Variants in P3H2 observed in about 807,000 individuals in gnomAD.
P3H2 encodes prolyl 3-hydroxylase 2.
Under a neutral mutation model 87.0 loss-of-function variants are expected in P3H2, and 80 were observed. The ratio of observed to expected loss-of-function variants is 0.92; its 90% CI spans 0.77 to 1.11. The LOEUF (loss-of-function observed/expected upper bound fraction) is 1.11. Among genes scored for constraint, P3H2 ranks in the 50% least tolerant of loss-of-function variants. The pLI, the probability that P3H2 is intolerant of heterozygous loss-of-function variation, is 0.00. For missense variants in P3H2, 1,001 were observed against 923.9 expected, an observed-to-expected ratio of 1.08 and a Z score of -1.08; for synonymous variants, 367 against 359.3, an observed-to-expected ratio of 1.02 and a Z score of -0.24.
At chr3:190,008,658 A>G (rs1404006070) in intron 1 of P3H2, among the ~76,000 whole-genome samples, 2 of 152,206 alleles carry the variant, frequency 1.3e-5, no homozygotes, top group Admixed American at 1.3e-4. Flanking sequence ...AAAGACTGCC[A>G]CTATGCACTT....
At chr3:189,979,981 T>C (rs1486740295) in intron 8 of P3H2, among the ~76,000 whole-genome samples, 1 of 147,574 alleles carries the variant, frequency 6.8e-6, no homozygotes, top group Non-Finnish European at 1.5e-5. Context: ...AAAATAAAAA[T>C]AAAAAAAAAA....
At position 190,023,579 on chromosome 3, in the gene P3H2, C is replaced by T. The variant is rs1019596750; in HGVS notation, c.481-28137G>A. 3.9e-5 allele frequency among the ~76,000 whole-genome samples: 6 copies of T among 152,256 alleles called. No individual in the cohort carries two copies. In the South Asian group the frequency reaches 6.2e-4, roughly 16 times the overall value. On this transcript the variant is annotated intron_variant, in intron 1 of 14. Coordinates refer to ENST00000319332, the MANE Select transcript of P3H2 (RefSeq NM_018192.4). Reference sequence around the variant, plus strand: ...CAGGAGAACAGCATGGGGAAAACTGCCCCCATGACTCAATTACCTCCACCT... The same window carrying T: ...CAGGAGAACAGCATGGGGAAAACTGTCCCCATGACTCAATTACCTCCACCT...
At chr3:190,078,456 A>C (rs1726938997) in intron 1 of P3H2, among the ~76,000 whole-genome samples, 1 of 152,186 alleles carries the variant, frequency 6.6e-6, no homozygotes, top group South Asian at 2.1e-4. Flanking sequence ...GATTTCAATA[A>C]ATGAAATCTG....
At chr3:190,121,332 G>A (rs1368798608), upstream of P3H2, among the ~76,000 whole-genome samples, 4 of 144,464 alleles carry the variant, frequency 2.8e-5, no homozygotes, top group African/African-American at 1.0e-4. Flanking sequence ...ATCCCGGAAC[G>A]TAAAGTTAAA....
At chr3:190,079,761 T>A (rs1302026922) in intron 1 of P3H2, among the ~76,000 whole-genome samples, 1 of 152,198 alleles carries the variant, frequency 6.6e-6, no homozygotes, top group Admixed American at 6.5e-5. Flanking sequence ...AGCTGTATAT[T>A]ACAGTGGTGA....
intron 1 of P3H2, among the ~76,000 whole-genome samples, chr3:190,062,485 A>T (rs1726360884): frequency 6.6e-6 from 1 of 152,184 alleles, no homozygotes; most frequent in African/African-American, 2.4e-5. Context: ...TCTAATAACT[A>T]AAACTGTGGC....
intron 1 of P3H2, among the ~76,000 whole-genome samples, chr3:190,027,714 T>G (rs916043913): frequency 6.6e-6 from 1 of 151,870 alleles, no homozygotes; most frequent in African/African-American, 2.4e-5. Flanking sequence ...TAATGAATCT[T>G]AAGTGGGTAA....
At chr3:189,975,954 TG>T (rs1487375367) in intron 8 of P3H2, among the ~76,000 whole-genome samples, 1 of 152,256 alleles carries the variant, frequency 6.6e-6, no homozygotes, top group Non-Finnish European at 1.5e-5. Flanking sequence ...CATAAAACTA[TG>T]TTCACATTAT....
At chr3:189,965,035 C>T (rs1488842781) in intron 13 of P3H2, among the ~76,000 whole-genome samples, 1 of 152,194 alleles carries the variant, frequency 6.6e-6, no homozygotes, top group African/African-American at 2.4e-5. Flanking sequence ...ATTCATTCCT[C>T]TGTATAGTTC....
chr3:190,066,162 C>T (rs113810259), intron 1 of P3H2, among the ~76,000 whole-genome samples: 12,377 of 119,110 alleles, frequency 0.1, 1,510 homozygotes, highest in African/African-American at 0.32. Flanking sequence ...TATATATACA[C>T]ACACACACAC....
rs546582230 is a variant in P3H2 at position 190,119,842 on chromosome 3, G to A, written c.480+410C>T. Among the ~76,000 whole-genome samples the A allele has an allele frequency of 5.5e-5, 6 of 109,910 alleles. No individual in the cohort carries two copies. The South Asian group carries it at 1.6e-3, about 29-fold the overall frequency. The allele number at this position is 109,910 out of a possible 152,430, so 72.1% of individuals were successfully genotyped here. ...AGACTACAGTATAGGAAGGATAAGA[G>A]AGAGGAGACAAAAGAAATGGGAAGT... is the stretch of plus-strand genomic sequence containing the variant. On this transcript the variant is annotated intron_variant, in intron 1 of 14. Coordinates refer to ENST00000319332, the MANE Select transcript of P3H2 (RefSeq NM_018192.4).
intron 1 of P3H2, among the ~76,000 whole-genome samples, chr3:190,052,058 T>C (rs1262807802): frequency 2.6e-5 from 4 of 152,130 alleles, no homozygotes; most frequent in Admixed American, 2.0e-4. Context: ...AGTGGAGAAA[T>C]AGAATAAACA....
chr3:189,960,624 C>T (rs1722782669), intron 14 of P3H2, among the ~76,000 whole-genome samples: 1 of 152,188 alleles, frequency 6.6e-6, no homozygotes, highest in African/African-American at 2.4e-5. Flanking sequence ...CTTACCAAAA[C>T]TTGCCTTGTG....
intron 14 of P3H2, chr3:189,963,747 C>T: frequency 3.3e-6 from 2 of 597,340 alleles, no homozygotes; most frequent in Non-Finnish European, 5.9e-6. Flanking sequence ...CCCAGCCTTA[C>T]AATTTGTTAA....
chr3:190,118,950 C>G (rs955065209), intron 1 of P3H2, among the ~76,000 whole-genome samples: 5 of 151,278 alleles, frequency 3.3e-5, no homozygotes, highest in African/African-American at 1.2e-4. Context: ...CAAACACACA[C>G]AAAAATTAGC....
intron 1 of P3H2, among the ~76,000 whole-genome samples, chr3:190,065,962 C>T (rs1726484990): frequency 6.6e-6 from 1 of 151,864 alleles, no homozygotes; most frequent in African/African-American, 2.4e-5. Context: ...CATTGTTGGC[C>T]CAATGATCAT....
intron 1 of P3H2, among the ~76,000 whole-genome samples, chr3:190,048,513 A>G (rs1725876373): frequency 1.3e-5 from 2 of 152,226 alleles, no homozygotes; most frequent in South Asian, 4.1e-4. Context: ...TTTGAAAATA[A>G]TATAACTACC....
intron 1 of P3H2, among the ~76,000 whole-genome samples, chr3:190,107,850 A>C (rs370748476): frequency 2.8e-4 from 43 of 152,298 alleles, no homozygotes; most frequent in Middle Eastern, 6.8e-3. Context: ...ATTTATTCTT[A>C]AAACTGCCTG....
intron 1 of P3H2, among the ~76,000 whole-genome samples, chr3:190,095,734 G>T (rs933127981): frequency 9.2e-5 from 14 of 151,720 alleles, no homozygotes; most frequent in Non-Finnish European, 2.1e-4. Flanking sequence ...CCGAGTAGCT[G>T]GGACTACAGG....
Sources: gnomAD v4.1 joint callset for allele counts (sites outside exome capture counted in the v4.1 genomes callset) on GRCh38, gnomAD v4.1.1 for gene constraint, MANE v1.5 for transcripts, NCBI Gene and HGNC (gene_info 2026-07-23, HGNC 2026-07-21) for gene names.